SOX5: variants seen among roughly 807,000 people sequenced by gnomAD.
SOX5 encodes the protein transcription factor SOX-5.
In SOX5, 9 loss-of-function variants were observed where a neutral mutation model predicts 92.0. That is an observed-to-expected ratio of 0.10 (90% CI 0.06 to 0.17). The LOEUF is 0.17. Ranked by LOEUF, SOX5 falls within the 10% of genes least tolerant of loss-of-function variation. The pLI, the probability that SOX5 is intolerant of heterozygous loss-of-function variation, is 1.00. For missense variants in SOX5, 642 were observed against 944.5 expected (o/e 0.68, Z 4.20); for synonymous variants, 344 against 336.3 (o/e 1.02, Z -0.25).
chr12:24,221,686 A>C (rs1358390387), intron 3 of SOX5, among the ~76,000 whole-genome samples: 4 of 152,242 alleles, frequency 2.6e-5, no homozygotes, highest in Non-Finnish European at 5.9e-5. Context: ...TGCAGCTTAC[A>C]GTCTGGTGAG....
intron 3 of SOX5, among the ~76,000 whole-genome samples, chr12:24,245,549 A>G (rs1469658224): frequency 1.3e-5 from 2 of 152,168 alleles, no homozygotes; most frequent in Non-Finnish European, 2.9e-5. Flanking sequence ...TAACACAAAT[A>G]GGCAGACGGG....
chr12:23,695,339 A>G (rs1366555840), intron 6 of SOX5, among the ~76,000 whole-genome samples: 1 of 152,196 alleles, frequency 6.6e-6, no homozygotes, highest in Non-Finnish European at 1.5e-5. Context: ...TGGCTTGTCA[A>G]TTACAAAGTA....
intron 11 of SOX5, 61 bp downstream of exon 11, chr12:23,563,196 TA>T: frequency 2.3e-6 from 3 of 1,320,450 alleles, no homozygotes; most frequent in Non-Finnish European, 2.1e-6. Context: ...ATATTTTTTT[TA>T]AAAAAGCATT....
chr12:24,239,629 GTCGCATTAAACTGAAA>G (rs989906428), intron 3 of SOX5, among the ~76,000 whole-genome samples: 1 of 152,134 alleles, frequency 6.6e-6, no homozygotes, highest in Non-Finnish European at 1.5e-5. Flanking sequence ...CAATTATCTG[GTCGCATTAAACTGAAA>G]TCACCTGAAA....
At chr12:24,112,881 A>G (rs572321503) in intron 4 of SOX5, among the ~76,000 whole-genome samples, 16 of 151,964 alleles carry the variant, frequency 1.1e-4, no homozygotes, top group East Asian at 3.9e-4. Context: ...GAAAGCATCA[A>G]TGGAAATAAC....
intron 1 of SOX5, among the ~76,000 whole-genome samples, chr12:24,534,827 G>C (rs1029358638): frequency 6.6e-6 from 1 of 152,322 alleles, no homozygotes; most frequent in South Asian, 2.1e-4. Flanking sequence ...GGTGGGAAAC[G>C]GGCATTCTGA....
intron 3 of SOX5, among the ~76,000 whole-genome samples, chr12:24,257,587 G>A (rs1356149671): frequency 6.6e-6 from 1 of 151,982 alleles, no homozygotes; most frequent in Non-Finnish European, 1.5e-5. Context: ...TCCTGCCGCA[G>A]CCTCCTAAGT....
intron 1 of SOX5, among the ~76,000 whole-genome samples, chr12:24,536,084 T>C (rs1951616222): frequency 6.6e-6 from 1 of 152,214 alleles, no homozygotes; most frequent in Non-Finnish European, 1.5e-5. Flanking sequence ...ATTATTATTA[T>C]AGGTTACTGT....
At chr12:24,303,251 A>G (rs1005039539) in intron 2 of SOX5, among the ~76,000 whole-genome samples, 4 of 152,212 alleles carry the variant, frequency 2.6e-5, no homozygotes, top group African/African-American at 9.6e-5. Context: ...CACATCCAAT[A>G]TAGTTCAGAT....
At position 24,434,063 on chromosome 12, in the gene SOX5, A is replaced by G. The variant is rs563532681; in HGVS notation, c.-250-65424T>C. The stretch of plus-strand genomic sequence containing the variant: ...AGTCTCTCGGAATCAAGAGAGGGGA[A>G]AGTTTCCAGAACTAAGGTGTGAATC... On this transcript the variant is annotated intron_variant, in intron 1 of 4. Transcript: ENST00000446891. Among the ~76,000 whole-genome samples, 10 of 152,282 alleles carry G rather than the reference A, an allele frequency of 6.6e-5. No individual in the cohort carries two copies. The South Asian group carries it at 2.1e-3, about 32-fold the overall frequency.
At chr12:24,540,982 T>C (rs905793257) in intron 1 of SOX5, among the ~76,000 whole-genome samples, 1 of 152,330 alleles carries the variant, frequency 6.6e-6, no homozygotes, top group African/African-American at 2.4e-5. Flanking sequence ...ATAACCCTTT[T>C]AATCTTTCAA....
At chr12:23,803,470 C>G (rs1366213573) in intron 3 of SOX5, among the ~76,000 whole-genome samples, 1 of 152,166 alleles carries the variant, frequency 6.6e-6, no homozygotes, top group Non-Finnish European at 1.5e-5. Flanking sequence ...GCTCTCTTCT[C>G]TATTTGTAAA....
intron 6 of SOX5, among the ~76,000 whole-genome samples, chr12:23,670,319 G>C (rs1338348416): frequency 6.6e-6 from 1 of 152,146 alleles, no homozygotes; most frequent in Non-Finnish European, 1.5e-5. Flanking sequence ...CAACGAAAAG[G>C]AGAAAGCAAA....
At chr12:24,271,310 T>C (rs1362359023) in intron 3 of SOX5, among the ~76,000 whole-genome samples, 1 of 152,234 alleles carries the variant, frequency 6.6e-6, no homozygotes, top group African/African-American at 2.4e-5. Flanking sequence ...ATTTCATATA[T>C]TGGGCATTTT....
chr12:23,743,722 A>G (rs1456647557), intron 4 of SOX5, among the ~76,000 whole-genome samples: 1 of 152,120 alleles, frequency 6.6e-6, no homozygotes, highest in Non-Finnish European at 1.5e-5. Context: ...CAACACCTAC[A>G]GTTGGTCCTG....
At chr12:24,230,395 A>G (rs1055333715) in intron 3 of SOX5, among the ~76,000 whole-genome samples, 1 of 152,188 alleles carries the variant, frequency 6.6e-6, no homozygotes, top group African/African-American at 2.4e-5. Context: ...TAGAAAAAGA[A>G]AAAAAGCTGG....
chr12:23,755,241 A>C (rs1036139544), intron 4 of SOX5, among the ~76,000 whole-genome samples: 2 of 151,792 alleles, frequency 1.3e-5, no homozygotes, highest in Non-Finnish European at 2.9e-5. Context: ...CTGGTTTTAA[A>C]TTTAGGTTCT....
intron 1 of SOX5, among the ~76,000 whole-genome samples, chr12:24,509,794 T>C (rs1949136731): frequency 6.6e-6 from 1 of 152,234 alleles, no homozygotes; most frequent in South Asian, 2.1e-4. Context: ...TTAGTTTATA[T>C]TACTCCAGCG....
At chr12:23,983,987 C>A (rs192417600) in intron 4 of SOX5, among the ~76,000 whole-genome samples, 24 of 152,264 alleles carry the variant, frequency 1.6e-4, no homozygotes, top group Non-Finnish European at 2.5e-4. Flanking sequence ...ACCAGAAACA[C>A]CATGATTTCT....
Sources: gnomAD v4.1 joint callset for allele counts (sites outside exome capture counted in the v4.1 genomes callset) on GRCh38, gnomAD v4.1.1 for gene constraint, MANE v1.5 for transcripts, NCBI Gene and HGNC (gene_info 2026-07-23, HGNC 2026-07-21) for gene names.